TMTC1: variants seen among roughly 807,000 people sequenced by gnomAD.
TMTC1 encodes protein O-mannosyl-transferase TMTC1.
A neutral mutation model predicts 104.8 loss-of-function variants in TMTC1; 73 were observed. That is an observed-to-expected ratio of 0.70 (90% CI 0.58 to 0.85). TMTC1 has a LOEUF of 0.85. Among genes scored for constraint, TMTC1 ranks in the 40% least tolerant of loss-of-function variants. The pLI, the probability that TMTC1 is intolerant of heterozygous loss-of-function variation, is 0.00. For missense variants in TMTC1, 1,035 were observed against 1,096.1 expected, an observed-to-expected ratio of 0.94 and a Z score of 0.79; for synonymous variants, 434 against 428.7, an observed-to-expected ratio of 1.01 and a Z score of -0.15.
chr12:29,716,331 AT>A (rs528306447), intron 5 of TMTC1, among the ~76,000 whole-genome samples: 128 of 152,258 alleles, frequency 8.4e-4, no homozygotes, highest in African/African-American at 3.0e-3. Flanking sequence ...GACTAGCATT[AT>A]TTTGAACTTC....
At chr12:29,524,915 G>GA (rs1944292177) in intron 11 of TMTC1, among the ~76,000 whole-genome samples, 2 of 152,042 alleles carry the variant, frequency 1.3e-5, no homozygotes, top group South Asian at 4.2e-4. Flanking sequence ...CATAAGCAAG[G>GA]AAAAAATTAA....
rs551091056 is a variant in TMTC1 at position 29,501,901 on chromosome 12, T to C, written c.*4945A>G. 1 of 152,336 alleles carries C rather than the reference T, an allele frequency of 6.6e-6. No homozygotes were observed. The highest frequency in any genetic ancestry group is 1.9e-4 in the East Asian group (1 of 5,188). The allele number at this position is 152,336 out of a possible 1,614,324, so 9.4% of individuals were successfully genotyped here. A position where few individuals can be genotyped will look rare whatever the true frequency, so the allele number is the denominator to read the frequency against. On this transcript the variant is annotated 3_prime_UTR_variant, in exon 18 of 18. Coordinates refer to ENST00000539277, the MANE Select transcript of TMTC1 (RefSeq NM_001193451.2). ...GATTGATATTAAACCATACTTTTGATTGCAGTTATTTTCTGTTCTCTTTAA... is the reference window on the plus strand; with the variant it reads ...GATTGATATTAAACCATACTTTTGACTGCAGTTATTTTCTGTTCTCTTTAA...
intron 10 of TMTC1, among the ~76,000 whole-genome samples, chr12:29,552,436 C>A (rs12422557): frequency 0.016 from 2,395 of 152,108 alleles, 31 homozygotes; most frequent in Admixed American, 0.038. Flanking sequence ...GTTTTAAAAT[C>A]TGGCTACCTA....
At chr12:29,723,862 A>G (rs1029612573) in intron 5 of TMTC1, among the ~76,000 whole-genome samples, 2 of 152,206 alleles carry the variant, frequency 1.3e-5, no homozygotes, top group Non-Finnish European at 2.9e-5. Flanking sequence ...GGTTATTCAT[A>G]TGGATAACAA....
In TMTC1 at chr12:29,505,399, T is replaced by G. The variant is rs1292507632; in HGVS notation, c.*1447A>C. 3 of 152,320 alleles carry G rather than the reference T, an allele frequency of 2.0e-5. No individual in the cohort carries two copies. Among genetic ancestry groups the G allele is most frequent in the Admixed American group, 6.5e-5 (1 of 15,302 alleles). The allele number at this position is 152,320 out of a possible 1,614,324, so 9.4% of individuals were successfully genotyped here. A position where few individuals can be genotyped will look rare whatever the true frequency, so the allele number is the denominator to read the frequency against. ...AATTAGAAACAGGTGTTCCAATTTCTTCACTTCCAAAATATACTACTGCCA... is the reference window on the plus strand; with the variant it reads ...AATTAGAAACAGGTGTTCCAATTTCGTCACTTCCAAAATATACTACTGCCA... On this transcript the variant is annotated 3_prime_UTR_variant, in exon 18 of 18. Coordinates refer to ENST00000539277, the MANE Select transcript of TMTC1 (RefSeq NM_001193451.2).
chr12:29,722,120 T>G (rs1444796301), intron 5 of TMTC1, among the ~76,000 whole-genome samples: 1 of 152,216 alleles, frequency 6.6e-6, no homozygotes, highest in Non-Finnish European at 1.5e-5. Flanking sequence ...ATCTTAGTAT[T>G]GCTATAAGAA....
intron 7 of TMTC1, among the ~76,000 whole-genome samples, chr12:29,590,830 C>T (rs953683921): frequency 6.6e-6 from 1 of 152,042 alleles, no homozygotes; most frequent in Non-Finnish European, 1.5e-5. Flanking sequence ...ACAAAACCCA[C>T]TTGTAACTGC....
chr12:29,594,909 T>G (rs981067563), intron 7 of TMTC1, among the ~76,000 whole-genome samples: 4 of 152,178 alleles, frequency 2.6e-5, no homozygotes, highest in Admixed American at 2.6e-4. Context: ...TGAAGAGGTT[T>G]GAAGAACCAA....
chr12:29,565,573 G>A (rs1436347426), intron 9 of TMTC1, among the ~76,000 whole-genome samples: 1 of 152,194 alleles, frequency 6.6e-6, no homozygotes, highest in Non-Finnish European at 1.5e-5. Flanking sequence ...AAGGCCAGGT[G>A]GAGTGGCTCA....
Position 29,618,013 on chromosome 12 carries a change from C to T in TMTC1, c.1129-13714G>A, listed in dbSNP as rs75792921. Among the ~76,000 whole-genome samples the T allele has an allele frequency of 7.5e-3, 1,135 of 152,188 alleles. 28 individuals carry two copies. The highest frequency in any genetic ancestry group is 0.059 in the East Asian group (306 of 5,166). On this transcript the variant is annotated intron_variant, in intron 6 of 17. Coordinates refer to ENST00000539277, the MANE Select transcript of TMTC1 (RefSeq NM_001193451.2). ...GGCGCAAGGGTAGAAGCAGGGAGAT[C>T]GGTTAGAAGGCTATGGCAATAATCC...
intron 5 of TMTC1, among the ~76,000 whole-genome samples, chr12:29,675,967 G>A (rs1271400777): frequency 6.6e-6 from 1 of 152,168 alleles, no homozygotes; most frequent in African/African-American, 2.4e-5. Flanking sequence ...TGATAAAGCT[G>A]CCTGGTTGAT....
At chr12:29,628,330 A>T (rs948444365) in intron 6 of TMTC1, among the ~76,000 whole-genome samples, 16 of 152,278 alleles carry the variant, frequency 1.1e-4, no homozygotes, top group African/African-American at 7.2e-5. Flanking sequence ...GAACATCAAG[A>T]ATATGGTGTT....
intron 5 of TMTC1, among the ~76,000 whole-genome samples, chr12:29,690,191 G>T: frequency 6.6e-6 from 1 of 152,194 alleles, no homozygotes; most frequent in East Asian, 1.9e-4. Flanking sequence ...TGGTAGAAGG[G>T]CTTGGTAGTA....
chr12:29,530,433 C>T (rs1944470009), intron 11 of TMTC1, among the ~76,000 whole-genome samples: 1 of 152,188 alleles, frequency 6.6e-6, no homozygotes, highest in Admixed American at 6.5e-5. Flanking sequence ...TGGAAAGAAA[C>T]CATGGACTGT....
At chr12:29,670,943 A>AAAAAAAAAAG (rs397944127) in intron 5 of TMTC1, among the ~76,000 whole-genome samples, 2 of 112,818 alleles carry the variant, frequency 1.8e-5, no homozygotes, top group Non-Finnish European at 1.7e-5. Context: ...TCAAAAAAAA[A>AAAAAAAAAAG]GAAAAAAAAG....
At chr12:29,527,623 T>C (rs1944386221) in intron 11 of TMTC1, among the ~76,000 whole-genome samples, 1 of 152,240 alleles carries the variant, frequency 6.6e-6, no homozygotes, top group South Asian at 2.1e-4. Flanking sequence ...CTAGTTAAGT[T>C]AGAAGGTGTT....
intron 5 of TMTC1, among the ~76,000 whole-genome samples, chr12:29,688,511 C>T (rs1941167866): frequency 6.6e-6 from 1 of 152,144 alleles, no homozygotes; most frequent in African/African-American, 2.4e-5. Flanking sequence ...TGGGGCATCA[C>T]TGTGAGGTGC....
rs138943335 is a variant in TMTC1 at position 29,740,660 on chromosome 12, G to T, written c.938+11006C>A. Among the ~76,000 whole-genome samples, 1,176 of 152,170 alleles carry T rather than the reference G, an allele frequency of 7.7e-3. 20 individuals carry two copies. Among genetic ancestry groups the T allele is most frequent in the African/African-American group, 0.027 (1,126 of 41,522 alleles). On this transcript the variant is annotated intron_variant, in intron 5 of 17. Coordinates refer to ENST00000539277, the MANE Select transcript of TMTC1 (RefSeq NM_001193451.2). ...AGTTCTTTCCCTCTAAGAGAACCCTGACTAACACAGGGTCTCTCTATGTTG... is the reference window on the plus strand; with the variant it reads ...AGTTCTTTCCCTCTAAGAGAACCCTTACTAACACAGGGTCTCTCTATGTTG...
At chr12:29,731,871 T>C (rs980015934) in intron 5 of TMTC1, among the ~76,000 whole-genome samples, 2 of 152,160 alleles carry the variant, frequency 1.3e-5, no homozygotes, top group African/African-American at 4.8e-5. Context: ...TACTATACAG[T>C]TTTTCTTGGC....
Sources: gnomAD v4.1 joint callset for allele counts (sites outside exome capture counted in the v4.1 genomes callset) on GRCh38, gnomAD v4.1.1 for gene constraint, MANE v1.5 for transcripts, NCBI Gene and HGNC (gene_info 2026-07-23, HGNC 2026-07-21) for gene names.